UBE2Q2: variants seen among roughly 807,000 people sequenced by gnomAD.
The protein encoded by UBE2Q2 is ubiquitin conjugating enzyme E2 Q2, also known as ubiquitin-conjugating enzyme E2 Q2.
UBE2Q2 carries 54 observed loss-of-function variants against 59.9 expected under a neutral mutation model. The observed-to-expected ratio is 0.90, with a 90% CI of 0.72 to 1.13. UBE2Q2 has a LOEUF of 1.13. UBE2Q2 is among the 50% of genes most tolerant of loss of function. The pLI is 0.00. For missense variants in UBE2Q2, 433 were observed against 441.9 expected (o/e 0.98, Z 0.18); for synonymous variants, 165 against 155.2 (o/e 1.06, Z -0.47).
chr15:75,889,548 A>G (rs990792802), intron 9 of UBE2Q2, among the ~76,000 whole-genome samples: 1 of 152,132 alleles, frequency 6.6e-6, no homozygotes, highest in African/African-American at 2.4e-5. Flanking sequence ...GGGGAAATAC[A>G]GCATTTGGAA....
In UBE2Q2 at chr15:75,843,598, C is replaced by A; in HGVS notation, c.-69C>A. 7.1e-7 allele frequency: 1 copy of A among 1,405,000 alleles called. No homozygotes were observed. The allele number at this position is 1,405,000 out of a possible 1,614,324, so 87.0% of individuals were successfully genotyped here. A position where few individuals can be genotyped will look rare whatever the true frequency, so the allele number is the denominator to read the frequency against. On this transcript the variant is annotated 5_prime_UTR_variant, in exon 1 of 13. Coordinates refer to ENST00000267938, the MANE Select transcript of UBE2Q2 (RefSeq NM_173469.4). Reference sequence around the variant, plus strand: ...GGGGCGGTCGCGGCCGTGACGGCGGCTCCGGGCCCGGCTCCCCTTCCGCGC... The same window carrying A: ...GGGGCGGTCGCGGCCGTGACGGCGGATCCGGGCCCGGCTCCCCTTCCGCGC...
intron 8 of UBE2Q2, among the ~76,000 whole-genome samples, chr15:75,882,081 C>T (rs2141645085): frequency 6.6e-6 from 1 of 152,224 alleles, no homozygotes; most frequent in South Asian, 2.1e-4. Flanking sequence ...TTGGTGAATG[C>T]AGGGCATGAA....
chr15:75,886,714 C>T (rs1396628975), intron 9 of UBE2Q2, among the ~76,000 whole-genome samples: 1 of 151,986 alleles, frequency 6.6e-6, no homozygotes, highest in Non-Finnish European at 1.5e-5. Context: ...TGGCAAAACC[C>T]CGTCTCTACT....
chr15:75,874,978 C>CT (rs1431869453), intron 5 of UBE2Q2, among the ~76,000 whole-genome samples: 2 of 152,126 alleles, frequency 1.3e-5, no homozygotes, highest in African/African-American at 4.8e-5. Flanking sequence ...ATATATTAAT[C>CT]TAATTTATAA....
chr15:75,873,353 T>G (rs943725021), intron 4 of UBE2Q2, 75 bp from the exon 5 acceptor site: 6 of 1,405,250 alleles, frequency 4.3e-6, no homozygotes, highest in South Asian at 1.4e-5. Flanking sequence ...CAAGAATAAT[T>G]TAATGTTATT....
At chr15:75,894,308 C>T (rs758959527) in intron 11 of UBE2Q2, among the ~76,000 whole-genome samples, 20 of 152,094 alleles carry the variant, frequency 1.3e-4, no homozygotes, top group Middle Eastern at 3.2e-3. Flanking sequence ...TGGCTTACTC[C>T]TATAATCCTA....
chr15:75,869,969 T>C (rs554648867), intron 4 of UBE2Q2, among the ~76,000 whole-genome samples: 1 of 152,330 alleles, frequency 6.6e-6, no homozygotes, highest in South Asian at 2.1e-4. Flanking sequence ...TTTTTTTTTC[T>C]GTTTTGGGTC....
intron 3 of UBE2Q2, among the ~76,000 whole-genome samples, chr15:75,868,609 C>T (rs1897628240): frequency 6.6e-6 from 1 of 152,072 alleles, no homozygotes; most frequent in African/African-American, 2.4e-5. Context: ...TTAAATAAGC[C>T]ATTGATCTTA....
intron 1 of UBE2Q2, among the ~76,000 whole-genome samples, chr15:75,853,209 C>T (rs999761336): frequency 1.1e-4 from 16 of 152,108 alleles, no homozygotes; most frequent in African/African-American, 3.6e-4. Context: ...TAGTGGCTCA[C>T]GCCTGTAATC....
chr15:75,896,431 AT>A (rs1899427265), intron 11 of UBE2Q2, among the ~76,000 whole-genome samples: 1 of 152,194 alleles, frequency 6.6e-6, no homozygotes, highest in Admixed American at 6.5e-5. Context: ...GGTTGTACTT[AT>A]GGTGACAAAA....
intron 1 of UBE2Q2, chr15:75,844,475 C>CGTT: frequency 6.4e-7 from 1 of 1,551,476 alleles, no homozygotes. Context: ...ATAGTACCGT[C>CGTT]GTTGCGGCAG....
At chr15:75,871,706 T>G (rs1413541936) in intron 4 of UBE2Q2, among the ~76,000 whole-genome samples, 10 of 152,170 alleles carry the variant, frequency 6.6e-5, no homozygotes, top group Admixed American at 6.5e-4. Context: ...GGTCAAAGAT[T>G]AACAGAATCT....
At chr15:75,871,375 T>C (rs1260794400) in intron 4 of UBE2Q2, among the ~76,000 whole-genome samples, 13 of 152,220 alleles carry the variant, frequency 8.5e-5, no homozygotes, top group South Asian at 2.1e-4. Context: ...CTTCCTCTTA[T>C]ACTAATCTTC....
chr15:75,856,020 CTACAAAAAA>C (rs1360824715), intron 2 of UBE2Q2, among the ~76,000 whole-genome samples: 2 of 151,858 alleles, frequency 1.3e-5, no homozygotes, highest in Non-Finnish European at 2.9e-5. Flanking sequence ...AAACCTGTCT[CTACAAAAAA>C]TACAAAAATT....
intron 8 of UBE2Q2, among the ~76,000 whole-genome samples, chr15:75,881,317 T>C (rs1158417051): frequency 1.3e-5 from 2 of 152,028 alleles, no homozygotes; most frequent in African/African-American, 2.4e-5. Context: ...TTTACGGGAA[T>C]ATGAAATATT....
chr15:75,891,710 T>C (rs576339481), intron 11 of UBE2Q2, among the ~76,000 whole-genome samples: 2 of 152,280 alleles, frequency 1.3e-5, no homozygotes, highest in Admixed American at 1.3e-4. Context: ...CATAAGGATG[T>C]TGTTCAGGCT....
At position 75,843,780 on chromosome 15, in the gene UBE2Q2, C is replaced by T. The variant is rs2141512718; in HGVS notation, c.114C>T (p.Phe38=). The T allele has an allele frequency of 6.2e-7, 1 of 1,609,710 alleles. No individual in the cohort carries two copies. Among genetic ancestry groups the T allele is most frequent in the Non-Finnish European group, 8.5e-7 (1 of 1,178,612 alleles). The part of the protein sequence containing the change: ...SWKLDELHCQ[F]LVPQQGSPHS... ...AGCTGGACGAGCTGCACTGCCAGTT[C>T]CTGGTGCCGCAGCAGGGCAGCCCGC... Residue 38 remains phenylalanine (F), a synonymous_variant, in exon 1 of 13, where the codon TTC becomes TTT. Transcript: ENST00000267938.
chr15:75,876,046 C>T (rs1898057734), intron 5 of UBE2Q2, 141 bp from the exon 6 acceptor site: 1 of 702,466 alleles, frequency 1.4e-6, no homozygotes, highest in Admixed American at 2.9e-5. Context: ...GCCTGGGTAA[C>T]AGGGCTAGAC....
chr15:75,843,948 C>T (rs890597655), intron 1 of UBE2Q2, 102 bp downstream of exon 1: 17 of 1,417,110 alleles, frequency 1.2e-5, no homozygotes, highest in Non-Finnish European at 1.4e-5. Flanking sequence ...GGCTCCGGCT[C>T]CCCGGGCGGG....
Sources: gnomAD v4.1 joint callset for allele counts (sites outside exome capture counted in the v4.1 genomes callset) on GRCh38, gnomAD v4.1.1 for gene constraint, MANE v1.5 for transcripts, NCBI Gene and HGNC (gene_info 2026-07-23, HGNC 2026-07-21) for gene names.